The following CNTN1 variants were observed in gnomAD, a reference collection of about 807,000 sequenced individuals.
The protein encoded by CNTN1 is contactin 1.
A neutral mutation model predicts 126.4 loss-of-function variants in CNTN1; 38 were observed. That is an observed-to-expected ratio of 0.30 (90% CI 0.23 to 0.39). The LOEUF is 0.39. Ranked by LOEUF, CNTN1 falls within the 10% of genes least tolerant of loss-of-function variation. The pLI is 1.00. For synonymous variants in CNTN1, 413 were observed against 422.6 expected, an observed-to-expected ratio of 0.98 and a Z score of 0.28; for missense variants, 1,009 against 1,248.4, an observed-to-expected ratio of 0.81 and a Z score of 2.89.
chr12:40,925,606 C>T (rs1184040530), intron 6 of CNTN1, among the ~76,000 whole-genome samples: 14 of 132,224 alleles, frequency 1.1e-4, no homozygotes, highest in South Asian at 2.4e-4. Context: ...TATATATATA[C>T]GTGTATATAT....
At chr12:41,036,987 T>A (rs755968069) in intron 23 of CNTN1, among the ~76,000 whole-genome samples, 1 of 152,218 alleles carries the variant, frequency 6.6e-6, no homozygotes, top group Non-Finnish European at 1.5e-5. Flanking sequence ...AATATACAGA[T>A]GTATTTGACA....
chr12:41,055,031 T>G (rs192933561), intron 23 of CNTN1, among the ~76,000 whole-genome samples: 88 of 152,292 alleles, frequency 5.8e-4, no homozygotes, highest in Non-Finnish European at 7.4e-5. Flanking sequence ...TAATAACTTC[T>G]CTGACATTTG....
intron 1 of CNTN1, among the ~76,000 whole-genome samples, chr12:40,892,725 C>T (rs971133455): frequency 6.6e-6 from 1 of 152,046 alleles, no homozygotes; most frequent in Non-Finnish European, 1.5e-5. Context: ...AGATTTGAAA[C>T]CTGAAACTTT....
At chr12:40,991,097 C>G (rs1455834864) in intron 16 of CNTN1, among the ~76,000 whole-genome samples, 1 of 152,150 alleles carries the variant, frequency 6.6e-6, no homozygotes, top group East Asian at 1.9e-4. Context: ...TTTACTCTCT[C>G]ATAGTTTGGA....
At chr12:40,713,665 G>T (rs527612015) in intron 1 of CNTN1, among the ~76,000 whole-genome samples, 94 of 152,028 alleles carry the variant, frequency 6.2e-4, no homozygotes, top group Non-Finnish European at 1.1e-3. Context: ...TATTTTTAAG[G>T]TCCTATCATG....
intron 23 of CNTN1, among the ~76,000 whole-genome samples, chr12:41,050,635 C>T (rs1264007303): frequency 6.6e-6 from 1 of 152,104 alleles, no homozygotes; most frequent in East Asian, 1.9e-4. Flanking sequence ...TTATCATATG[C>T]CTTGATTATT....
intron 1 of CNTN1, among the ~76,000 whole-genome samples, chr12:40,858,733 C>G (rs1441977755): frequency 4.6e-5 from 7 of 152,056 alleles, no homozygotes; most frequent in Non-Finnish European, 7.4e-5. Flanking sequence ...AACCCAAATC[C>G]TCAACAGTGA....
intron 15 of CNTN1, among the ~76,000 whole-genome samples, chr12:40,968,881 T>G (rs1947397884): frequency 6.6e-6 from 1 of 152,194 alleles, no homozygotes; most frequent in Admixed American, 6.6e-5. Flanking sequence ...AATTTTGTAT[T>G]GTGCATCTCT....
intron 16 of CNTN1, among the ~76,000 whole-genome samples, chr12:40,987,967 T>G (rs1360798179): frequency 2.0e-5 from 3 of 151,786 alleles, no homozygotes; most frequent in Admixed American, 2.0e-4. Context: ...GTTTCTTCAG[T>G]TTTTGTAGTT....
At chr12:40,814,120 C>A (rs1282880858) in intron 1 of CNTN1, among the ~76,000 whole-genome samples, 1 of 152,126 alleles carries the variant, frequency 6.6e-6, no homozygotes, top group Non-Finnish European at 1.5e-5. Flanking sequence ...GGGTAGATTG[C>A]AAAAATTTTC....
chr12:40,867,473 A>G (rs1001631316), intron 1 of CNTN1, among the ~76,000 whole-genome samples: 18 of 152,170 alleles, frequency 1.2e-4, no homozygotes, highest in Admixed American at 3.3e-4. Flanking sequence ...GTATTTGAAA[A>G]TCTCTAAGAG....
At chr12:40,697,833 A>G (rs1181540374) in intron 1 of CNTN1, among the ~76,000 whole-genome samples, 2 of 152,174 alleles carry the variant, frequency 1.3e-5, no homozygotes, top group East Asian at 1.9e-4. Flanking sequence ...CTGAGCTACT[A>G]TTGTCCATTT....
At chr12:40,782,876 T>C (rs976718285) in intron 1 of CNTN1, among the ~76,000 whole-genome samples, 5 of 151,960 alleles carry the variant, frequency 3.3e-5, no homozygotes, top group African/African-American at 1.2e-4. Context: ...AAATGATGAC[T>C]TAATCCTAAC....
chr12:40,862,208 T>TACACAC (rs145686900), intron 1 of CNTN1, among the ~76,000 whole-genome samples: 44,912 of 147,040 alleles, frequency 0.31, 6,778 homozygotes, highest in Admixed American at 0.36. Flanking sequence ...TGTCTCTTAA[T>TACACAC]ACACACACAC....
At chr12:40,871,186 G>GAAAAAAA (rs201485882) in intron 1 of CNTN1, among the ~76,000 whole-genome samples, 28 of 113,540 alleles carry the variant, frequency 2.5e-4, no homozygotes, top group East Asian at 3.9e-4. Context: ...CTGTTACAGA[G>GAAAAAAA]AAAAAAAAAA....
At chr12:40,762,947 A>C (rs921717574) in intron 1 of CNTN1, 9 of 152,104 alleles carry the variant, frequency 5.9e-5, no homozygotes, top group African/African-American at 1.7e-4. Flanking sequence ...CCTAGTGGGA[A>C]GTGTTTGGGT....
At chr12:40,887,993 A>G (rs1230507840) in intron 1 of CNTN1, among the ~76,000 whole-genome samples, 1 of 120,906 alleles carries the variant, frequency 8.3e-6, no homozygotes, top group Non-Finnish European at 1.6e-5. Flanking sequence ...GAAGGGGAAC[A>G]TCACACTCTG....
chr12:40,716,466 A>C (rs190804721), intron 1 of CNTN1, among the ~76,000 whole-genome samples: 61 of 152,272 alleles, frequency 4.0e-4, no homozygotes, highest in Non-Finnish European at 1.5e-4. Context: ...AACCTCTAAC[A>C]AATGTTGAAA....
rs1208522126 is a variant in CNTN1 at position 40,959,097 on chromosome 12, G to T, written c.1684-17G>T. On this transcript the variant is annotated splice_polypyrimidine_tract_variant and intron_variant, in intron 14 of 23. Transcript: ENST00000551295. ...GAAAAATGTACTGATTTGAATAATTGCTGTTTTTGCTAACAGCTGGATTCC... is the reference window on the plus strand; with the variant it reads ...GAAAAATGTACTGATTTGAATAATTTCTGTTTTTGCTAACAGCTGGATTCC... 6.2e-7 allele frequency: 1 copy of T among 1,611,754 alleles called. No individual in the cohort carries two copies. Among genetic ancestry groups the T allele is most frequent in the East Asian group, 2.2e-5 (1 of 44,748 alleles).
Sources: allele counts gnomAD v4.1 joint callset (sites outside exome capture counted in the v4.1 genomes callset), GRCh38; gene constraint gnomAD v4.1.1; transcripts MANE v1.5; gene names NCBI Gene and HGNC (gene_info 2026-07-23, HGNC 2026-07-21).